The following RYR2 variants were observed in gnomAD, a reference collection of about 807,000 sequenced individuals.
RYR2 encodes cardiac muscle ryanodine receptor-calcium release channel.
In RYR2, 227 loss-of-function variants were observed where a neutral mutation model predicts 601.1. The ratio of observed to expected loss-of-function variants is 0.38; its 90% CI spans 0.34 to 0.42. The LOEUF (loss-of-function observed/expected upper bound fraction) is 0.42. Among genes scored for constraint, RYR2 ranks in the 10% least tolerant of loss-of-function variants. The probability of loss-of-function intolerance (pLI) is 1.00; values close to 1 mark genes in which losing one functional copy is unlikely to be tolerated. For synonymous variants in RYR2, 2,223 were observed against 2,175.1 expected, an observed-to-expected ratio of 1.02 and a Z score of -0.61; for missense variants, 4,646 against 6,156.5, an observed-to-expected ratio of 0.75 and a Z score of 8.21.
intron 27 of RYR2, among the ~76,000 whole-genome samples, chr1:237,561,314 G>A (rs765190789): frequency 1.3e-5 from 2 of 152,300 alleles, no homozygotes; most frequent in African/African-American, 4.8e-5. Flanking sequence ...GGATATAACA[G>A]CATGCTTCAT....
chr1:237,078,802 A>C (rs1665294308), intron 1 of RYR2, among the ~76,000 whole-genome samples: 1 of 120,162 alleles, frequency 8.3e-6, no homozygotes, highest in African/African-American at 3.2e-5. Flanking sequence ...TCTGATACCA[A>C]AGCTGGGCAG....
chr1:237,173,879 G>A lies in RYR2; in HGVS notation c.49-96618G>A, dbSNP rs555713955. Reference sequence around the variant, plus strand: ...AGACCATCCTGGCTAACATGGTGAAGCCCCGTCTCTACTAAAAATACGAAA... The same window carrying A: ...AGACCATCCTGGCTAACATGGTGAAACCCCGTCTCTACTAAAAATACGAAA... On this transcript the variant is annotated intron_variant, in intron 1 of 104. Coordinates refer to ENST00000366574, the MANE Select transcript of RYR2 (RefSeq NM_001035.3). Among the ~76,000 whole-genome samples, 9 of 152,110 alleles carry A rather than the reference G, an allele frequency of 5.9e-5. No homozygotes were observed. In the South Asian group the frequency reaches 6.2e-4, roughly 11 times the overall value.
At chr1:237,120,503 A>T (rs540418612) in intron 1 of RYR2, among the ~76,000 whole-genome samples, 3 of 152,294 alleles carry the variant, frequency 2.0e-5, no homozygotes, top group East Asian at 1.9e-4. Context: ...GTGATCAATA[A>T]ATGGTGACGA....
chr1:237,651,169 C>T (rs1682690238), intron 50 of RYR2, among the ~76,000 whole-genome samples: 1 of 152,176 alleles, frequency 6.6e-6, no homozygotes, highest in Non-Finnish European at 1.5e-5. Flanking sequence ...AGAACAGAAA[C>T]ATCTTCTGTA....
Position 237,388,178 on chromosome 1 carries a change from G to A in RYR2, c.768G>A (p.Gln256=). ...TVPSGEHGEE[Q]RRTVHYEGGA... Reference sequence around the variant, plus strand: ...CTTCAGGAGAACATGGTGAAGAGCAGCGGAGGTTAGTACCTGAGCTCATTG... The same window carrying A: ...CTTCAGGAGAACATGGTGAAGAGCAACGGAGGTTAGTACCTGAGCTCATTG... The change falls in exon 10 of 105, where the codon CAG becomes CAA. Residue 256 remains glutamine, a synonymous_variant. Coordinates refer to ENST00000366574, the MANE Select transcript of RYR2 (RefSeq NM_001035.3). The A allele has an allele frequency of 1.2e-6, 2 of 1,613,494 alleles. No individual in the cohort carries two copies. The highest frequency in any genetic ancestry group is 1.7e-6 in the Non-Finnish European group (2 of 1,179,676).
At chr1:237,797,439 C>T (rs1355614530) in intron 96 of RYR2, among the ~76,000 whole-genome samples, 2 of 151,954 alleles carry the variant, frequency 1.3e-5, no homozygotes, top group Non-Finnish European at 2.9e-5. Flanking sequence ...GCATTGTGGC[C>T]AGAGAGTTGA....
chr1:237,423,350 ATG>A (rs1189593959), intron 12 of RYR2, 102 bp downstream of exon 12: 2 of 1,297,030 alleles, frequency 1.5e-6, no homozygotes, highest in Non-Finnish European at 1.1e-6. Context: ...TGATGTAAGT[ATG>A]TCTTATGTGT....
chr1:237,492,863 G>A, intron 18 of RYR2, 91 bp from the exon 19 acceptor site: 2 of 1,314,932 alleles, frequency 1.5e-6, no homozygotes, highest in Non-Finnish European at 2.0e-6. Context: ...AAGGAAGGAA[G>A]GAAGGAAGAA....
intron 28 of RYR2, 77 bp from the exon 29 acceptor site, chr1:237,569,068 G>A (rs1235523908): frequency 3.1e-5 from 42 of 1,338,348 alleles, no homozygotes; most frequent in Non-Finnish European, 4.1e-5. Flanking sequence ...ACTGCTGTTA[G>A]GTCGTGACAG....
intron 1 of RYR2, among the ~76,000 whole-genome samples, chr1:237,220,661 T>C (rs1683707289): frequency 6.6e-6 from 1 of 152,212 alleles, no homozygotes; most frequent in African/African-American, 2.4e-5. Flanking sequence ...TCATCTCTGA[T>C]CCTCACAAAA....
chr1:237,478,458 G>A (rs1475027842), intron 17 of RYR2, among the ~76,000 whole-genome samples: 1 of 152,136 alleles, frequency 6.6e-6, no homozygotes, highest in East Asian at 1.9e-4. Flanking sequence ...TACGCACCTA[G>A]CACCTTTTAT....
intron 66 of RYR2, among the ~76,000 whole-genome samples, chr1:237,704,444 T>A (rs536828977): frequency 1.4e-4 from 22 of 152,256 alleles, no homozygotes; most frequent in African/African-American, 5.3e-4. Context: ...TAGATTACAT[T>A]TAGAATTTCT....
chr1:237,517,496 A>G (rs142587864), intron 24 of RYR2, among the ~76,000 whole-genome samples: 339 of 152,338 alleles, frequency 2.2e-3, no homozygotes, highest in Non-Finnish European at 3.5e-3. Context: ...GATGAACTAA[A>G]ACACAAATCA....
At chr1:237,794,352 A>G (rs530723468) in intron 95 of RYR2, among the ~76,000 whole-genome samples, 1 of 152,324 alleles carries the variant, frequency 6.6e-6, no homozygotes, top group African/African-American at 2.4e-5. Flanking sequence ...TTCATTAACG[A>G]AAAAGTTGTA....
chr1:237,433,585 G>A (rs922593195), intron 12 of RYR2, among the ~76,000 whole-genome samples: 1 of 152,076 alleles, frequency 6.6e-6, no homozygotes, highest in Non-Finnish European at 1.5e-5. Flanking sequence ...TAATCCCTTT[G>A]TTAGTCATCA....
At chr1:237,634,234 G>A (rs537466501) in intron 43 of RYR2, among the ~76,000 whole-genome samples, 67 of 152,248 alleles carry the variant, frequency 4.4e-4, no homozygotes, top group African/African-American at 1.6e-3. Context: ...TGGATGAATG[G>A]ATAGGAAAAA....
Position 237,270,286 on chromosome 1 carries a change from T to G in RYR2, c.49-211T>G. On this transcript the variant is annotated intron_variant, in intron 1 of 104. Transcript: ENST00000366574. ...GCCTTGAATGGCCGTAGCTCCCCTC[T>G]TTTCCCCTACTCAGTTGCCTTTTTG... The G allele has an allele frequency of 5.7e-6, 4 of 702,322 alleles. 1 individual carries two copies. The Middle Eastern group carries it at 9.4e-4, about 165-fold the overall frequency. The allele number at this position is 702,322 out of a possible 1,614,324, so 43.5% of individuals were successfully genotyped here.
At chr1:237,074,907 A>T (rs868131370) in intron 1 of RYR2, among the ~76,000 whole-genome samples, 7 of 152,154 alleles carry the variant, frequency 4.6e-5, no homozygotes, top group African/African-American at 1.7e-4. Flanking sequence ...AAGCTGGTGT[A>T]TGTCTAGGTA....
intron 17 of RYR2, among the ~76,000 whole-genome samples, chr1:237,483,977 C>G (rs748569723): frequency 8.5e-5 from 13 of 152,178 alleles, no homozygotes; most frequent in Non-Finnish European, 1.9e-4. Context: ...CGCTGATCTG[C>G]TGTGGACACC....
Sources: gnomAD v4.1 joint callset for allele counts (sites outside exome capture counted in the v4.1 genomes callset) on GRCh38, gnomAD v4.1.1 for gene constraint, MANE v1.5 for transcripts, NCBI Gene and HGNC (gene_info 2026-07-23, HGNC 2026-07-21) for gene names.